The following TRPM3 variants were observed in gnomAD, a reference collection of about 807,000 sequenced individuals.
The protein encoded by TRPM3 is long transient receptor potential channel 3.
Under a neutral mutation model 181.2 loss-of-function variants are expected in TRPM3, and 77 were observed. That is an observed-to-expected ratio of 0.42 (90% CI 0.35 to 0.51). The LOEUF is 0.51. Ranked by LOEUF, TRPM3 falls within the 20% of genes least tolerant of loss-of-function variation. The probability of loss-of-function intolerance (pLI) is 0.01; values close to 1 mark genes in which losing one functional copy is unlikely to be tolerated. For synonymous variants in TRPM3, 745 were observed against 796.4 expected (o/e 0.94, Z 1.09); for missense variants, 1,759 against 2,196.7 (o/e 0.80, Z 3.98).
At chr9:70,872,612 T>G (rs2095807109) in intron 1 of TRPM3, among the ~76,000 whole-genome samples, 1 of 151,962 alleles carries the variant, frequency 6.6e-6, no homozygotes, top group African/African-American at 2.4e-5. Context: ...GCCATTGTGC[T>G]GTGTCTTTGT....
At chr9:70,999,697 A>G (rs528899674) in intron 1 of TRPM3, among the ~76,000 whole-genome samples, 1 of 152,164 alleles carries the variant, frequency 6.6e-6, no homozygotes, top group East Asian at 1.9e-4. Context: ...CAGGATGGAT[A>G]AATACAGTAT....
At chr9:71,271,028 A>C (rs1369679237) in intron 1 of TRPM3, among the ~76,000 whole-genome samples, 1 of 152,142 alleles carries the variant, frequency 6.6e-6, no homozygotes, top group African/African-American at 2.4e-5. Context: ...GACCTACCCA[A>C]TAGAACTATC....
intron 5 of TRPM3, among the ~76,000 whole-genome samples, chr9:70,838,340 G>A (rs1260411774): frequency 6.6e-6 from 1 of 152,138 alleles, no homozygotes; most frequent in African/African-American, 2.4e-5. Context: ...AGGTGATCAG[G>A]TCATGAGGGC....
rs2041516442 is a variant in TRPM3 at position 70,535,530 on chromosome 9, G to C, written c.*423C>G. ...TTAGAATATCTCATTGTGTACGCTGGCTATTTTATTTTATTTTGCAATTTA... is the reference window on the plus strand; with the variant it reads ...TTAGAATATCTCATTGTGTACGCTGCCTATTTTATTTTATTTTGCAATTTA... On this transcript the variant is annotated 3_prime_UTR_variant, in exon 26 of 26. Transcript: ENST00000677713. 1 of 1,546,512 alleles carries C rather than the reference G, an allele frequency of 6.5e-7. No homozygotes were observed.
chr9:71,398,342 G>C (rs558742153), intron 1 of TRPM3, among the ~76,000 whole-genome samples: 2 of 152,202 alleles, frequency 1.3e-5, no homozygotes, highest in Admixed American at 1.3e-4. Flanking sequence ...TTCCCACAAG[G>C]TTGTTATAAT....
At chr9:71,366,218 A>T (rs2092331310) in intron 1 of TRPM3, among the ~76,000 whole-genome samples, 1 of 152,186 alleles carries the variant, frequency 6.6e-6, no homozygotes, top group Admixed American at 6.5e-5. Flanking sequence ...TTAAAATACA[A>T]ATGTGTTATT....
chr9:70,910,898 T>C (rs568665757), intron 1 of TRPM3, among the ~76,000 whole-genome samples: 1 of 152,364 alleles, frequency 6.6e-6, no homozygotes, highest in African/African-American at 2.4e-5. Context: ...TCTTTGACTT[T>C]GCTGCAGCAA....
chr9:71,420,727 G>GAGAGAGAGAGAGAGAGAGAA (rs2093725238), intron 1 of TRPM3, among the ~76,000 whole-genome samples: 5 of 45,322 alleles, frequency 1.1e-4, no homozygotes, highest in African/African-American at 3.1e-4. Flanking sequence ...GAGAAAGAGA[G>GAGAGAGAGAGAGAGAGAGAA]AGAGAGAGAA....
intron 1 of TRPM3, among the ~76,000 whole-genome samples, chr9:71,396,881 G>T (rs1051163177): frequency 6.6e-6 from 1 of 151,238 alleles, no homozygotes; most frequent in African/African-American, 2.4e-5. Flanking sequence ...CAGGAGAATC[G>T]CTTGAACCCG....
chr9:71,053,043 G>C (rs1276687432), intron 1 of TRPM3, among the ~76,000 whole-genome samples: 1 of 120,928 alleles, frequency 8.3e-6, no homozygotes, highest in Admixed American at 1.1e-4. Flanking sequence ...TGCATATGGA[G>C]TTTCCTAACC....
rs1308574764 is a variant in TRPM3 at position 71,077,259 on chromosome 9, T to TA, written c.177+43918dup. ...TCGAAGTTTCCAAATAACTCAGAAG[T>TA]ACTTCTAGGTTTGGAAATCACTGGT... is the stretch of plus-strand genomic sequence containing the variant. On this transcript the variant is annotated intron_variant, in intron 1 of 25. Coordinates refer to ENST00000677713, the MANE Select transcript of TRPM3 (RefSeq NM_001366145.2). Among the ~76,000 whole-genome samples the TA allele has an allele frequency of 2.7e-4, 40 of 150,474 alleles. 1 individual carries two copies. Among genetic ancestry groups the TA allele is most frequent in the Admixed American group, 2.2e-3 (33 of 15,034 alleles).
chr9:71,172,885 C>A (rs138053953), intron 1 of TRPM3, among the ~76,000 whole-genome samples: 1 of 152,290 alleles, frequency 6.6e-6, no homozygotes, highest in Non-Finnish European at 1.5e-5. Context: ...GAAAACTGTT[C>A]GCTTATGCCC....
intron 1 of TRPM3, among the ~76,000 whole-genome samples, chr9:71,114,559 TTCC>T (rs1249454596): frequency 6.6e-6 from 1 of 152,238 alleles, no homozygotes; most frequent in Non-Finnish European, 1.5e-5. Flanking sequence ...AAATGTTCTC[TTCC>T]TCCTCCTTTC....
At chr9:70,912,836 G>A (rs766309423) in intron 1 of TRPM3, among the ~76,000 whole-genome samples, 31 of 152,092 alleles carry the variant, frequency 2.0e-4, no homozygotes, top group Non-Finnish European at 4.1e-4. Flanking sequence ...TGCTATTGAG[G>A]TACAATTGAC....
At chr9:71,039,808 GTATCAT>G (rs1565046887) in intron 1 of TRPM3, among the ~76,000 whole-genome samples, 1 of 152,160 alleles carries the variant, frequency 6.6e-6, no homozygotes, top group Non-Finnish European at 1.5e-5. Flanking sequence ...ATTATACCCT[GTATCAT>G]TATCATTATG....
At position 71,258,517 on chromosome 9, in the gene TRPM3, T is replaced by C. The variant is rs56031046; in HGVS notation, c.183+188136A>G. Among the ~76,000 whole-genome samples, 1,018 of 152,308 alleles carry C rather than the reference T, an allele frequency of 6.7e-3. 16 individuals are homozygous for C. Among genetic ancestry groups the C allele is most frequent in the African/African-American group, 0.023 (968 of 41,564 alleles). The stretch of plus-strand genomic sequence containing the variant: ...TCATATTATTTTCCTACTTGAAAAG[T>C]GAATGACTTACATGATAATGATTAC... On this transcript the variant is annotated intron_variant, in intron 1 of 24. Coordinates refer to the TRPM3 transcript ENST00000357533.
Position 71,394,937 on chromosome 9 carries a change from A to G in TRPM3, c.183+51716T>C, listed in dbSNP as rs556919511. Among the ~76,000 whole-genome samples, 42 of 152,298 alleles carry G rather than the reference A, an allele frequency of 2.8e-4. No homozygotes were observed. In the South Asian group the frequency reaches 8.1e-3, roughly 29 times the overall value. ...CATGTCCCAGACATGGCTCCCAACC[A>G]AGGCAAGTACAACATCCAAGTGAGT... is the stretch of plus-strand genomic sequence containing the variant. On this transcript the variant is annotated intron_variant, in intron 1 of 24. Transcript: ENST00000357533.
At chr9:71,393,112 T>G (rs1158336397) in intron 1 of TRPM3, among the ~76,000 whole-genome samples, 1 of 152,128 alleles carries the variant, frequency 6.6e-6, no homozygotes, top group Non-Finnish European at 1.5e-5. Flanking sequence ...TGGGCAGTTT[T>G]GAGTCTAAGG....
intron 1 of TRPM3, among the ~76,000 whole-genome samples, chr9:71,028,873 G>A (rs1237331944): frequency 1.3e-5 from 2 of 152,140 alleles, no homozygotes; most frequent in Non-Finnish European, 2.9e-5. Flanking sequence ...AGATCATTAA[G>A]GGAGAAAACT....
Sources: allele counts gnomAD v4.1 joint callset (sites outside exome capture counted in the v4.1 genomes callset), GRCh38; gene constraint gnomAD v4.1.1; transcripts MANE v1.5; gene names NCBI Gene and HGNC (gene_info 2026-07-23, HGNC 2026-07-21).